LRFN5: variants seen among roughly 807,000 people sequenced by gnomAD.
The protein encoded by LRFN5 is leucine rich repeat and fibronectin type III domain containing 5.
In LRFN5, 24 loss-of-function variants were observed where a neutral mutation model predicts 45.6. That is an observed-to-expected ratio of 0.53 (90% CI 0.38 to 0.74). The LOEUF (loss-of-function observed/expected upper bound fraction) is 0.74, where lower values mean the gene tolerates loss of function less well. Ranked by LOEUF, LRFN5 falls within the 30% of genes least tolerant of loss-of-function variation. The pLI is 0.00. For synonymous variants in LRFN5, 340 were observed against 313.8 expected, an observed-to-expected ratio of 1.08 and a Z score of -0.88; for missense variants, 776 against 861.5, an observed-to-expected ratio of 0.90 and a Z score of 1.24.
chr14:41,784,992 A>T (rs902523204), intron 2 of LRFN5, among the ~76,000 whole-genome samples: 1 of 152,138 alleles, frequency 6.6e-6, no homozygotes, highest in South Asian at 2.1e-4. Flanking sequence ...AGACACTGAC[A>T]TATTGATAAT....
At chr14:41,837,659 CA>C (rs1474266736) in intron 2 of LRFN5, among the ~76,000 whole-genome samples, 1 of 151,774 alleles carries the variant, frequency 6.6e-6, no homozygotes, top group Non-Finnish European at 1.5e-5. Context: ...GAAAAGGGAT[CA>C]TTTTTTTTTT....
chr14:41,614,880 A>T (rs1887879865), intron 1 of LRFN5, among the ~76,000 whole-genome samples: 1 of 152,084 alleles, frequency 6.6e-6, no homozygotes. Context: ...GAGCACCAAG[A>T]GGGAAAGTAT....
Position 41,886,592 on chromosome 14 carries a change from G to A in LRFN5, c.-20-14G>A, listed in dbSNP as rs1225232350. On this transcript the variant is annotated splice_polypyrimidine_tract_variant and intron_variant, in intron 2 of 5. Transcript: ENST00000298119. ...ACTGGATGCTAACATTCTATTTTGT[G>A]TCTTCCGTTACAGGCTCTTAAACCT... 2.7e-6 allele frequency: 4 copies of A among 1,485,208 alleles called. No homozygotes were observed. The highest frequency in any genetic ancestry group is 2.3e-5 in the Admixed American group (1 of 43,804). 92.0% of individuals were successfully genotyped at this position (1,485,208 alleles called of 1,614,324 possible).
chr14:41,890,625 T>C (rs1890745403), intron 3 of LRFN5, among the ~76,000 whole-genome samples: 1 of 150,212 alleles, frequency 6.7e-6, no homozygotes, highest in Non-Finnish European at 1.5e-5. Context: ...GAGAATGGCG[T>C]GAACCCGGGA....
chr14:41,631,172 A>G (rs1038472986), intron 1 of LRFN5, among the ~76,000 whole-genome samples: 6 of 152,162 alleles, frequency 3.9e-5, no homozygotes, highest in Non-Finnish European at 5.9e-5. Context: ...ATCCAGCTCT[A>G]ATCTCAACTA....
chr14:41,869,915 C>T (rs1889962861), intron 2 of LRFN5, among the ~76,000 whole-genome samples: 1 of 152,130 alleles, frequency 6.6e-6, no homozygotes, highest in Admixed American at 6.6e-5. Flanking sequence ...CAAACCATAT[C>T]AATAATTGTG....
In LRFN5 at chr14:41,891,235, T is replaced by G. The variant is rs1285122528; in HGVS notation, c.1386-15T>G. On this transcript the variant is annotated splice_polypyrimidine_tract_variant and intron_variant, in intron 3 of 5. Coordinates refer to ENST00000298119, the MANE Select transcript of LRFN5 (RefSeq NM_152447.5). ...TTTTGTTATTAATATTAACACAAAT[T>G]CCATTGTCCCTCAGAATGATACCTC... 2 of 1,601,712 alleles carry G rather than the reference T, an allele frequency of 1.2e-6. No homozygotes were observed. The highest frequency in any genetic ancestry group is 1.3e-5 in the African/African-American group (1 of 74,502).
At chr14:41,880,907 C>CT (rs1353100510) in intron 2 of LRFN5, among the ~76,000 whole-genome samples, 1 of 152,134 alleles carries the variant, frequency 6.6e-6, no homozygotes, top group East Asian at 1.9e-4. Context: ...TACTGTTTGC[C>CT]TTTTTCTAAT....
intron 1 of LRFN5, among the ~76,000 whole-genome samples, chr14:41,625,266 CTGGA>C (rs5808147): frequency 0.49 from 73,941 of 151,378 alleles, 18,105 homozygotes; most frequent in Non-Finnish European, 0.52. Context: ...GTGGGTTCAT[CTGGA>C]TGGAGATAAT....
At chr14:41,779,687 G>A (rs1364293852) in intron 2 of LRFN5, among the ~76,000 whole-genome samples, 7 of 151,852 alleles carry the variant, frequency 4.6e-5, no homozygotes, top group Non-Finnish European at 7.4e-5. Flanking sequence ...GACTCTCTTG[G>A]TGTGGGTTTC....
intron 1 of LRFN5, among the ~76,000 whole-genome samples, chr14:41,661,450 A>C (rs1263042368): frequency 6.6e-6 from 1 of 152,072 alleles, no homozygotes; most frequent in Admixed American, 6.6e-5. Flanking sequence ...TAAGTGGTTC[A>C]AGGCCTACAT....
In LRFN5 at chr14:41,886,900, C is replaced by G. The variant is rs1375780521; in HGVS notation, c.275C>G (p.Pro92Arg). 1 of 1,614,090 alleles carries G rather than the reference C, an allele frequency of 6.2e-7. No individual in the cohort carries two copies. Among genetic ancestry groups the G allele is most frequent in the Non-Finnish European group, 8.5e-7 (1 of 1,180,044 alleles). Residue 92 changes from proline (P) to arginine (R), a missense_variant, in exon 3 of 6, where the codon CCT (proline) becomes CGT (arginine). Physicochemically the swap from Pro to Arg is moderately radical, Grantham distance 103. Around this residue, in one of 2 missense-constraint regions of LRFN5, gnomAD observed 311 missense variants for 405.1 expected, o/e 0.77. Coordinates refer to ENST00000298119, the MANE Select transcript of LRFN5 (RefSeq NM_152447.5). The stretch of plus-strand genomic sequence containing the variant: ...AGGAATACAATAAGTTTTATTACAC[C>G]TCATGCTTTCGCTGACCTACGAAAT... ...LSRNTISFIT[P>R]HAFADLRNLR...
At chr14:41,649,657 C>G (rs1879997712) in intron 1 of LRFN5, among the ~76,000 whole-genome samples, 1 of 152,130 alleles carries the variant, frequency 6.6e-6, no homozygotes, top group Non-Finnish European at 1.5e-5. Flanking sequence ...TATCAGGTTC[C>G]TCATCCTCCA....
chr14:41,837,194 C>CAAAAAAAAAAAA (rs5808157), intron 2 of LRFN5, among the ~76,000 whole-genome samples: 1 of 75,404 alleles, frequency 1.3e-5, no homozygotes, highest in Non-Finnish European at 2.5e-5. Flanking sequence ...ACACACTCCA[C>CAAAAAAAAAAAA]AAAAAAAAAA....
intron 1 of LRFN5, among the ~76,000 whole-genome samples, chr14:41,661,747 G>A (rs1880664993): frequency 6.6e-6 from 1 of 151,998 alleles, no homozygotes; most frequent in African/African-American, 2.4e-5. Context: ...TCCCAGAGAA[G>A]GTGACCCTAG....
intron 1 of LRFN5, among the ~76,000 whole-genome samples, chr14:41,747,332 C>T (rs1037016124): frequency 7.4e-5 from 9 of 122,254 alleles, no homozygotes; most frequent in Non-Finnish European, 1.4e-4. Flanking sequence ...GGCATAAAAA[C>T]AAACATATAT....
chr14:41,733,001 G>C (rs1351316302), intron 1 of LRFN5, among the ~76,000 whole-genome samples: 1 of 151,400 alleles, frequency 6.6e-6, no homozygotes, highest in Admixed American at 6.6e-5. Context: ...GCAAGAATCA[G>C]CAAACTTGAA....
At position 41,867,450 on chromosome 14, in the gene LRFN5, A is replaced by G. The variant is rs929216283; in HGVS notation, c.-20-19156A>G. 3.9e-5 allele frequency among the ~76,000 whole-genome samples: 6 copies of G among 152,176 alleles called. 1 individual carries two copies. In the East Asian group the frequency reaches 1.2e-3, roughly 29 times the overall value. On this transcript the variant is annotated intron_variant, in intron 2 of 5. Coordinates refer to ENST00000298119, the MANE Select transcript of LRFN5 (RefSeq NM_152447.5). ...CCAAATCTCTGGCTTATGAAAAGAGATTTATGTTTTACATAAAGCAAATCT... is the reference window on the plus strand; with the variant it reads ...CCAAATCTCTGGCTTATGAAAAGAGGTTTATGTTTTACATAAAGCAAATCT...
chr14:41,687,429 C>T (rs1026384616), intron 1 of LRFN5, among the ~76,000 whole-genome samples: 3 of 152,124 alleles, frequency 2.0e-5, no homozygotes, highest in Non-Finnish European at 4.4e-5. Context: ...GACAGTAATG[C>T]GATTCCTCAA....
Sources: gnomAD v4.1 joint callset for allele counts (sites outside exome capture counted in the v4.1 genomes callset) on GRCh38, gnomAD v4.1.1 for gene constraint, gnomAD v4.1.1 regional missense constraint, MANE v1.5 for transcripts, NCBI Gene and HGNC (gene_info 2026-07-23, HGNC 2026-07-21) for gene names.